VWC2: variants seen among roughly 807,000 people sequenced by gnomAD.
The protein encoded by VWC2 is von Willebrand factor C domain containing 2.
A neutral mutation model predicts 29.8 loss-of-function variants in VWC2; 14 were observed. That is an observed-to-expected ratio of 0.47 (90% CI 0.31 to 0.74). The LOEUF is 0.74. Ranked by LOEUF, VWC2 falls within the 30% of genes least tolerant of loss-of-function variation. VWC2 has a pLI of 0.05. For synonymous variants in VWC2, 213 were observed against 199.0 expected (o/e 1.07, Z -0.59); for missense variants, 457 against 459.8 (o/e 0.99, Z 0.05).
At chr7:49,847,937 A>T (rs691417) in intron 3 of VWC2, among the ~76,000 whole-genome samples, 1 of 152,108 alleles carries the variant, frequency 6.6e-6, no homozygotes, top group Non-Finnish European at 1.5e-5. Flanking sequence ...ATGGGTTAGC[A>T]CTGGGAGGGG....
At position 49,917,085 on chromosome 7, in the gene VWC2, T is replaced by A. The variant is rs1159528428; in HGVS notation, c.*4900T>A. 2 of 152,254 alleles carry A rather than the reference T, an allele frequency of 1.3e-5. No individual in the cohort carries two copies. Among genetic ancestry groups the A allele is most frequent in the Non-Finnish European group, 2.9e-5 (2 of 68,044 alleles). 9.4% of individuals were successfully genotyped at this position (152,254 alleles called of 1,614,324 possible). On this transcript the variant is annotated 3_prime_UTR_variant, in exon 4 of 4. Transcript: ENST00000340652. ...CTTAGACTTTCATTTGTGATATTGA[T>A]CATTTCTGTGTGTTTTAATCTTTCT...
At chr7:49,839,114 G>T (rs906877219) in intron 3 of VWC2, among the ~76,000 whole-genome samples, 1 of 152,188 alleles carries the variant, frequency 6.6e-6, no homozygotes, top group Non-Finnish European at 1.5e-5. Flanking sequence ...TGAGAAGGCA[G>T]CTGTCTGTAA....
rs1029130039 is a variant in VWC2, at chr7:49,921,764, A to C, written c.*9579A>C. 1.3e-5 allele frequency: 2 copies of C among 152,198 alleles called. No homozygotes were observed. The highest frequency in any genetic ancestry group is 1.3e-4 in the Admixed American group (2 of 15,278). 9.4% of individuals were successfully genotyped at this position (152,198 alleles called of 1,614,324 possible). ...TGAAAAATATTTTATCCTCATGTTT[A>C]CATTTAACACATATAATTTATATCT... is the stretch of plus-strand genomic sequence containing the variant. On this transcript the variant is annotated 3_prime_UTR_variant, in exon 4 of 4. Transcript: ENST00000340652.
intron 2 of VWC2, among the ~76,000 whole-genome samples, chr7:49,788,996 G>A (rs12539790): frequency 0.3 from 45,080 of 148,950 alleles, 7,499 homozygotes; most frequent in East Asian, 0.68. Context: ...TGTGAGGTGT[G>A]GGTGCATGCT....
rs1371802460 is a variant in VWC2 at position 49,773,745 on chromosome 7, T to A, written c.-472T>A. On this transcript the variant is annotated 5_prime_UTR_variant, in exon 1 of 4. Coordinates refer to ENST00000340652, the MANE Select transcript of VWC2 (RefSeq NM_198570.5). ...CTGCCCAGACATTCCGGCTGCCGGG[T>A]CTGGAGAGCTCCCCGAACCCCTCCG... 1 of 151,284 alleles carries A rather than the reference T, an allele frequency of 6.6e-6. No individual in the cohort carries two copies. The highest frequency in any genetic ancestry group is 1.5e-5 in the Non-Finnish European group (1 of 67,922). 9.4% of individuals were successfully genotyped at this position (151,284 alleles called of 1,614,324 possible).
At chr7:49,868,545 A>G (rs1255722570) in intron 3 of VWC2, among the ~76,000 whole-genome samples, 1 of 152,238 alleles carries the variant, frequency 6.6e-6, no homozygotes, top group Non-Finnish European at 1.5e-5. Context: ...TTTTCATCAT[A>G]TGGTTCTACA....
At chr7:49,859,485 T>C (rs1790559932) in intron 3 of VWC2, among the ~76,000 whole-genome samples, 1 of 152,188 alleles carries the variant, frequency 6.6e-6, no homozygotes, top group African/African-American at 2.4e-5. Flanking sequence ...GAAATCTGAT[T>C]TTTTTTCTTG....
At chr7:49,854,412 G>T (rs1427243457) in intron 3 of VWC2, among the ~76,000 whole-genome samples, 2 of 152,160 alleles carry the variant, frequency 1.3e-5, no homozygotes, top group African/African-American at 2.4e-5. Context: ...ATTCTAACTG[G>T]TGTGAGATGG....
chr7:49,854,556 G>T (rs1790335425), intron 3 of VWC2, among the ~76,000 whole-genome samples: 2 of 152,128 alleles, frequency 1.3e-5, no homozygotes, highest in South Asian at 4.1e-4. Context: ...TTTTTGATGG[G>T]GTTGTTAGTT....
At chr7:49,879,417 T>A (rs1383008863) in intron 3 of VWC2, among the ~76,000 whole-genome samples, 3 of 152,172 alleles carry the variant, frequency 2.0e-5, no homozygotes, top group Non-Finnish European at 4.4e-5. Flanking sequence ...CATTATCTTA[T>A]CCGGAGAGGG....
At chr7:49,849,747 C>T (rs1790100298) in intron 3 of VWC2, among the ~76,000 whole-genome samples, 1 of 152,198 alleles carries the variant, frequency 6.6e-6, no homozygotes, top group South Asian at 2.1e-4. Flanking sequence ...ACCAGCCTGT[C>T]ACTTATTCTG....
intron 3 of VWC2, among the ~76,000 whole-genome samples, chr7:49,805,693 T>TA (rs958959145): frequency 6.6e-6 from 1 of 152,178 alleles, no homozygotes; most frequent in Non-Finnish European, 1.5e-5. Flanking sequence ...AATGTTCTTG[T>TA]AAAAAAATTA....
intron 2 of VWC2, among the ~76,000 whole-genome samples, chr7:49,777,398 A>G (rs754950065): frequency 7.9e-5 from 12 of 152,224 alleles, no homozygotes; most frequent in Non-Finnish European, 1.5e-4. Flanking sequence ...ATCTATATAT[A>G]GTGTACAAAG....
chr7:49,814,894 TTCTCCGGTTGCTTC>T (rs1226097736), intron 3 of VWC2, among the ~76,000 whole-genome samples: 4 of 152,208 alleles, frequency 2.6e-5, no homozygotes, highest in African/African-American at 9.6e-5. Context: ...TGTGGGAACT[TTCTCCGGTTGCTTC>T]CTAATGGAGG....
intron 2 of VWC2, among the ~76,000 whole-genome samples, chr7:49,790,728 C>G (rs1180057677): frequency 6.6e-6 from 1 of 151,682 alleles, no homozygotes; most frequent in African/African-American, 2.4e-5. Context: ...GCTGCAGGGC[C>G]AGAGTCCCCA....
At chr7:49,885,912 C>A (rs1047931882) in intron 3 of VWC2, among the ~76,000 whole-genome samples, 1 of 152,246 alleles carries the variant, frequency 6.6e-6, no homozygotes, top group Admixed American at 6.5e-5. Context: ...GGAATCAAGA[C>A]CTCCGTGATT....
intron 2 of VWC2, among the ~76,000 whole-genome samples, chr7:49,785,997 G>T (rs1413627773): frequency 6.6e-6 from 1 of 152,178 alleles, no homozygotes; most frequent in African/African-American, 2.4e-5. Flanking sequence ...AACATTGTTT[G>T]CCTTCCCCCA....
At chr7:49,783,212 G>A (rs1301793126) in intron 2 of VWC2, among the ~76,000 whole-genome samples, 1 of 152,174 alleles carries the variant, frequency 6.6e-6, no homozygotes, top group Admixed American at 6.5e-5. Context: ...CCATGTGTGT[G>A]AGGCCCTGGG....
intron 1 of VWC2, among the ~76,000 whole-genome samples, chr7:49,774,862 T>TA (rs1444068728): frequency 6.6e-6 from 1 of 152,148 alleles, no homozygotes; most frequent in African/African-American, 2.4e-5. Context: ...CACAACCCCC[T>TA]AAAGCAAATG....
Sources: gnomAD v4.1 joint callset for allele counts (sites outside exome capture counted in the v4.1 genomes callset) on GRCh38, gnomAD v4.1.1 for gene constraint, MANE v1.5 for transcripts, NCBI Gene and HGNC (gene_info 2026-07-23, HGNC 2026-07-21) for gene names.